The following DPP6 variants were observed in gnomAD, a reference collection of about 807,000 sequenced individuals.
DPP6 encodes the protein dipeptidyl peptidase like 6, also known as A-type potassium channel modulatory protein DPP6.
A neutral mutation model predicts 122.6 loss-of-function variants in DPP6; 69 were observed. That is an observed-to-expected ratio of 0.56 (90% CI 0.46 to 0.69). DPP6 has a LOEUF of 0.69. DPP6 is among the 30% of genes least tolerant of loss of function. DPP6 has a pLI of 0.00. For synonymous variants in DPP6, 418 were observed against 433.1 expected, an observed-to-expected ratio of 0.97 and a Z score of 0.43; for missense variants, 928 against 1,116.9, an observed-to-expected ratio of 0.83 and a Z score of 2.41.
intron 1 of DPP6, among the ~76,000 whole-genome samples, chr7:153,906,506 A>C (rs548743863): frequency 6.6e-6 from 1 of 152,186 alleles, no homozygotes; most frequent in Non-Finnish European, 1.5e-5. Flanking sequence ...GCTGGGGTGC[A>C]CTTGCATGAT....
chr7:154,405,714 G>A (rs889605258), intron 1 of DPP6, among the ~76,000 whole-genome samples: 4 of 152,122 alleles, frequency 2.6e-5, no homozygotes, highest in South Asian at 2.1e-4. Context: ...GAAGGCCCCC[G>A]GCAGGCAGGA....
At chr7:154,602,212 A>G (rs1833432640) in intron 5 of DPP6, among the ~76,000 whole-genome samples, 1 of 120,346 alleles carries the variant, frequency 8.3e-6, no homozygotes, top group African/African-American at 2.6e-5. Context: ...TCTTTGATTG[A>G]TGGACCACTT....
chr7:154,681,523 A>G lies in DPP6; in HGVS notation c.762+12082A>G, dbSNP rs547152939. On this transcript the variant is annotated intron_variant, in intron 7 of 25. Coordinates refer to ENST00000377770, the MANE Select transcript of DPP6 (RefSeq NM_130797.4). ...GCCGCACCACACTTGCGGCCATGGC[A>G]GATCCTGTTTCTCGTCCTGTGGAGG... is the stretch of plus-strand genomic sequence containing the variant. 1.5e-3 allele frequency among the ~76,000 whole-genome samples: 229 copies of G among 152,328 alleles called. 1 individual carries two copies. Among genetic ancestry groups the G allele is most frequent in the African/African-American group, 5.2e-3 (217 of 41,586 alleles).
At chr7:154,451,853 G>A (rs1474461443) in intron 2 of DPP6, among the ~76,000 whole-genome samples, 1 of 152,222 alleles carries the variant, frequency 6.6e-6, no homozygotes, top group African/African-American at 2.4e-5. Context: ...TCTCTGGGCT[G>A]TGCTGCCCTG....
At chr7:154,881,213 T>C in intron 21 of DPP6, 2 of 422,052 alleles carry the variant, frequency 4.7e-6, no homozygotes, top group Non-Finnish European at 8.0e-6. Context: ...TCCTAATGAC[T>C]TTTCTCCCAT....
At chr7:154,065,767 G>T (rs1802668030) in intron 1 of DPP6, among the ~76,000 whole-genome samples, 1 of 152,284 alleles carries the variant, frequency 6.6e-6, no homozygotes, top group Non-Finnish European at 1.5e-5. Flanking sequence ...TGGCATAGAG[G>T]CCCTGAGTTG....
chr7:154,484,207 C>T (rs773231533), intron 3 of DPP6, among the ~76,000 whole-genome samples: 12 of 152,138 alleles, frequency 7.9e-5, no homozygotes, highest in Non-Finnish European at 7.4e-5. Context: ...GGGTGAAAGA[C>T]GCTTACATGC....
chr7:154,159,353 C>G (rs1393192307), intron 1 of DPP6, among the ~76,000 whole-genome samples: 1 of 152,200 alleles, frequency 6.6e-6, no homozygotes, highest in Non-Finnish European at 1.5e-5. Flanking sequence ...TAGGTCTGAT[C>G]TGCTGTTCTC....
Position 154,794,132 on chromosome 7 carries a change from C to G in DPP6, c.1190C>G (p.Thr397Ser). The G allele has an allele frequency of 6.2e-7, 1 of 1,613,604 alleles. No homozygotes were observed. The highest frequency in any genetic ancestry group is 8.5e-7 in the Non-Finnish European group (1 of 1,179,704). Reference protein sequence around the residue: ...KWATSTKVAVTWLNRAQNVSI... With the variant: ...KWATSTKVAVSWLNRAQNVSI... ...GCCACCAGCACCAAGGTCGCCGTGA[C>G]CTGGCTGAACCGGGCGCAGAACGTG... Residue 397 changes from threonine to serine, a missense_variant, in exon 11 of 26, where the codon ACC becomes AGC. Transcript: ENST00000377770.
At chr7:153,901,160 T>C (rs1046344864) in intron 1 of DPP6, among the ~76,000 whole-genome samples, 54 of 152,204 alleles carry the variant, frequency 3.5e-4, no homozygotes, top group African/African-American at 1.3e-3. Context: ...AATGCTAAAA[T>C]GCTCTTATGC....
chr7:153,913,039 G>T (rs1423970394), intron 1 of DPP6, among the ~76,000 whole-genome samples: 1 of 152,116 alleles, frequency 6.6e-6, no homozygotes, highest in Admixed American at 6.6e-5. Flanking sequence ...TGTGTGTAAA[G>T]GTTTTTATGC....
chr7:154,374,812 A>G (rs572444910), intron 1 of DPP6, among the ~76,000 whole-genome samples: 4 of 152,034 alleles, frequency 2.6e-5, no homozygotes, highest in African/African-American at 7.2e-5. Flanking sequence ...GGGTTTCACC[A>G]TGTTGGCCAG....
chr7:153,960,938 G>A (rs71545659), intron 1 of DPP6, among the ~76,000 whole-genome samples: 1 of 152,166 alleles, frequency 6.6e-6, no homozygotes, highest in Non-Finnish European at 1.5e-5. Context: ...CTTCCTAAAG[G>A]CCCATGTGTG....
intron 1 of DPP6, among the ~76,000 whole-genome samples, chr7:154,277,159 C>CT (rs1165095102): frequency 6.6e-6 from 1 of 152,102 alleles, no homozygotes; most frequent in South Asian, 2.1e-4. Flanking sequence ...AGGCAACTCA[C>CT]TTTTTTTTCC....
chr7:154,335,694 C>A (rs1585978263), intron 1 of DPP6, among the ~76,000 whole-genome samples: 1 of 152,150 alleles, frequency 6.6e-6, no homozygotes, highest in African/African-American at 2.4e-5. Flanking sequence ...GCAAGATGTC[C>A]TGCAATGCAG....
chr7:154,199,220 C>T (rs1016406492), intron 1 of DPP6, among the ~76,000 whole-genome samples: 1 of 152,138 alleles, frequency 6.6e-6, no homozygotes, highest in Admixed American at 6.5e-5. Context: ...TGTTTGCAGG[C>T]TATTCAGCCC....
At chr7:154,055,090 C>CTTTTT (rs374982845) in intron 1 of DPP6, among the ~76,000 whole-genome samples, 3 of 128,990 alleles carry the variant, frequency 2.3e-5, no homozygotes, top group African/African-American at 8.7e-5. Flanking sequence ...TCCTGACATG[C>CTTTTT]TTTTTTTTTT....
the DPP6 span, among the ~76,000 whole-genome samples, chr7:153,778,959 C>G: frequency 6.8e-6 from 1 of 147,406 alleles, no homozygotes; most frequent in Admixed American, 6.6e-5. Context: ...AGCGGATGAA[C>G]AAATTGTTAC....
chr7:153,843,072 A>G, the DPP6 span, among the ~76,000 whole-genome samples: 2 of 147,470 alleles, frequency 1.4e-5, no homozygotes, highest in Admixed American at 6.7e-5. Flanking sequence ...GAGTGCATAC[A>G]CACGTGCGCA....
Sources: gnomAD v4.1 joint callset for allele counts (sites outside exome capture counted in the v4.1 genomes callset) on GRCh38, gnomAD v4.1.1 for gene constraint, MANE v1.5 for transcripts, NCBI Gene and HGNC (gene_info 2026-07-23, HGNC 2026-07-21) for gene names.